NAV3: variants seen among roughly 807,000 people sequenced by gnomAD.
The protein encoded by NAV3 is neuron navigator 3.
In NAV3, 87 loss-of-function variants were observed where a neutral mutation model predicts 244.7. The observed-to-expected ratio is 0.36, with a 90% CI of 0.30 to 0.42. The LOEUF is 0.42. Ranked by LOEUF, NAV3 falls within the 20% of genes least tolerant of loss-of-function variation. The pLI, the probability that NAV3 is intolerant of heterozygous loss-of-function variation, is 1.00. For synonymous variants in NAV3, 1,126 were observed against 1,042.2 expected (o/e 1.08, Z -1.55); for missense variants, 2,663 against 2,893.3 (o/e 0.92, Z 1.83).
chr12:77,770,144 A>T (rs578207610), intron 2 of NAV3, among the ~76,000 whole-genome samples: 4 of 150,054 alleles, frequency 2.7e-5, no homozygotes, highest in Non-Finnish European at 5.9e-5. Context: ...TAGAGATCCA[A>T]TTTTTTTTTT....
chr12:78,081,151 G>A (rs1307221909), intron 12 of NAV3, among the ~76,000 whole-genome samples: 5 of 152,224 alleles, frequency 3.3e-5, no homozygotes, highest in Middle Eastern at 3.4e-3. Flanking sequence ...ATTCAGTTAG[G>A]TCTATTGTTA....
chr12:78,132,561 G>A (rs1034138724), intron 18 of NAV3, among the ~76,000 whole-genome samples: 10 of 152,250 alleles, frequency 6.6e-5, no homozygotes, highest in Non-Finnish European at 1.3e-4. Context: ...TCACTTTTGA[G>A]AGTGAATGGG....
At chr12:77,763,570 G>A (rs548772357) in intron 2 of NAV3, among the ~76,000 whole-genome samples, 11 of 152,306 alleles carry the variant, frequency 7.2e-5, no homozygotes, top group Non-Finnish European at 1.3e-4. Context: ...TTGTGCAGAG[G>A]TCTGAACTCA....
At chr12:77,901,076 T>C (rs868621609) in intron 1 of NAV3, among the ~76,000 whole-genome samples, 1 of 152,172 alleles carries the variant, frequency 6.6e-6, no homozygotes. Context: ...TTAATGAGGT[T>C]ATTTGTTGTT....
At chr12:77,685,871 G>A (rs1043585290) in intron 2 of NAV3, among the ~76,000 whole-genome samples, 5 of 152,136 alleles carry the variant, frequency 3.3e-5, no homozygotes, top group Non-Finnish European at 7.3e-5. Flanking sequence ...TCACTATGCC[G>A]TTGCCATTTA....
At chr12:77,687,789 A>T (rs1490598261) in intron 2 of NAV3, among the ~76,000 whole-genome samples, 1 of 152,122 alleles carries the variant, frequency 6.6e-6, no homozygotes, top group Non-Finnish European at 1.5e-5. Flanking sequence ...AATATAAGCC[A>T]TTTGAGGATC....
At chr12:78,159,564 G>A (rs1431716693) in intron 23 of NAV3, among the ~76,000 whole-genome samples, 2 of 151,954 alleles carry the variant, frequency 1.3e-5, no homozygotes, top group Non-Finnish European at 2.9e-5. Flanking sequence ...AGCTACGCAG[G>A]AGGCTGAGGC....
chr12:77,722,739 A>G (rs1328569368), intron 2 of NAV3, among the ~76,000 whole-genome samples: 1 of 152,070 alleles, frequency 6.6e-6, no homozygotes, highest in Admixed American at 6.6e-5. Context: ...GAACTGAACT[A>G]TTCTTGAATT....
At chr12:78,209,918 G>A (rs1960725870) in intron 39 of NAV3, among the ~76,000 whole-genome samples, 1 of 152,192 alleles carries the variant, frequency 6.6e-6, no homozygotes, top group Admixed American at 6.5e-5. Context: ...TGGTGTGCTT[G>A]TGTGCAGCAG....
At chr12:78,197,447 C>T (rs1284040421) in intron 35 of NAV3, 46 bp downstream of exon 35, 1 of 1,451,210 alleles carries the variant, frequency 6.9e-7, no homozygotes, top group South Asian at 1.5e-5. Flanking sequence ...AAATAATTAT[C>T]ATCAAATTTG....
chr12:78,038,338 C>T (rs1004369960), intron 9 of NAV3, among the ~76,000 whole-genome samples: 20 of 152,164 alleles, frequency 1.3e-4, no homozygotes, highest in African/African-American at 3.6e-4. Flanking sequence ...ATATTGGCCT[C>T]CTTAAGTTGA....
intron 12 of NAV3, among the ~76,000 whole-genome samples, chr12:78,092,407 A>G (rs573075036): frequency 6.6e-6 from 1 of 152,084 alleles, no homozygotes; most frequent in East Asian, 1.9e-4. Flanking sequence ...TAGATCTTTA[A>G]ACATTTGCTC....
intron 2 of NAV3, among the ~76,000 whole-genome samples, chr12:77,629,323 T>G (rs1871782196): frequency 6.6e-6 from 1 of 152,224 alleles, no homozygotes; most frequent in Non-Finnish European, 1.5e-5. Flanking sequence ...ATAGAAATTT[T>G]GAGAATGCTG....
intron 2 of NAV3, among the ~76,000 whole-genome samples, chr12:77,699,500 A>G (rs1328860403): frequency 2.6e-5 from 4 of 152,070 alleles, no homozygotes; most frequent in Admixed American, 2.0e-4. Flanking sequence ...TCTTGTCTCT[A>G]TGATATCTGG....
chr12:78,011,342 C>A (rs763770280), intron 8 of NAV3, among the ~76,000 whole-genome samples: 1 of 152,064 alleles, frequency 6.6e-6, no homozygotes. Context: ...TTAAAAAAAT[C>A]TCTGCCTTCT....
intron 1 of NAV3, among the ~76,000 whole-genome samples, chr12:77,864,156 T>C (rs1305564541): frequency 1.3e-5 from 2 of 151,938 alleles, no homozygotes; most frequent in Non-Finnish European, 2.9e-5. Context: ...CACCATTCTA[T>C]AGCTTCTTCC....
chr12:77,611,758 T>C (rs1870924428), intron 2 of NAV3, among the ~76,000 whole-genome samples: 1 of 152,082 alleles, frequency 6.6e-6, no homozygotes, highest in South Asian at 2.1e-4. Flanking sequence ...AGTGCTTTAA[T>C]AAAAGTAAAT....
intron 20 of NAV3, among the ~76,000 whole-genome samples, chr12:78,144,456 G>A (rs367286): frequency 0.35 from 52,433 of 151,640 alleles, 9,312 homozygotes; most frequent in East Asian, 0.48. Flanking sequence ...CTAAGCTACT[G>A]AAAAAAATAT....
At chr12:78,160,244 A>G (rs960801459) in intron 23 of NAV3, among the ~76,000 whole-genome samples, 1 of 152,178 alleles carries the variant, frequency 6.6e-6, no homozygotes, top group Non-Finnish European at 1.5e-5. Context: ...TGTATTAAAA[A>G]GGTCCATACT....
Sources: allele counts gnomAD v4.1 joint callset (sites outside exome capture counted in the v4.1 genomes callset), GRCh38; gene constraint gnomAD v4.1.1; transcripts MANE v1.5; gene names NCBI Gene and HGNC (gene_info 2026-07-23, HGNC 2026-07-21).